Variants in ZNF433 observed in about 807,000 individuals in gnomAD.
The protein encoded by ZNF433 is zinc finger protein 433.
ZNF433 carries 12 observed loss-of-function variants against 10.6 expected under a neutral mutation model. The observed-to-expected ratio is 1.13, with a 90% CI of 0.72 to 1.83. The LOEUF (loss-of-function observed/expected upper bound fraction) is 1.83, where lower values mean the gene tolerates loss of function less well. Ranked by LOEUF, ZNF433 falls within the 40% of genes most tolerant of loss-of-function variation. The pLI is 0.00. For synonymous variants in ZNF433, 272 were observed against 271.3 expected (o/e 1.00, Z -0.02); for missense variants, 737 against 798.0 (o/e 0.92, Z 0.92).
In ZNF433 at chr19:12,017,897, T is replaced by G. The variant is rs925899401; in HGVS notation, c.170A>C (p.Glu57Ala). The G allele has an allele frequency of 6.3e-7, 1 of 1,594,116 alleles. No individual in the cohort carries two copies. ...TTACCTTAGGTTTCTCCTTAGATTTTCGTACTCTACATATATGTTCTGGGG... is the reference window on the plus strand; with the variant it reads ...TTACCTTAGGTTTCTCCTTAGATTTGCGTACTCTACATATATGTTCTGGGG... ...WKPQNIYVEY[E>A]NLRRNLRIVG... Residue 57 changes from glutamate to alanine, a missense_variant, in exon 3 of 4, where the codon GAA becomes GCA. By Grantham distance (107) the Glu-to-Ala change is moderately radical. Transcript: ENST00000550507.
intron 1 of ZNF433, among the ~76,000 whole-genome samples, chr19:12,028,660 T>C (rs141053016): frequency 2.6e-5 from 4 of 152,350 alleles, no homozygotes; most frequent in Admixed American, 6.5e-5. Context: ...GTTAAACAAA[T>C]TTGTATTACA....
At chr19:12,022,057 A>G (rs150936021) in intron 1 of ZNF433, 9 of 453,782 alleles carry the variant, frequency 2.0e-5, no homozygotes, top group African/African-American at 1.8e-4. Context: ...AAAACTGGCC[A>G]TAAACAAAAT....
chr19:12,027,095 G>A (rs1974776896), intron 1 of ZNF433: 1 of 450,350 alleles, frequency 2.2e-6, no homozygotes, highest in Admixed American at 2.4e-5. Flanking sequence ...AATATTTAAA[G>A]CATCCCAGGC....
chr19:12,034,951 C>T, intron 1 of ZNF433: 2 of 453,250 alleles, frequency 4.4e-6, no homozygotes, highest in Admixed American at 4.7e-5. Flanking sequence ...TTTTCCTCAG[C>T]TGAGGCCTCT....
intron 1 of ZNF433, chr19:12,021,968 C>G (rs1252453214): frequency 2.2e-6 from 1 of 456,674 alleles, no homozygotes; most frequent in Non-Finnish European, 4.4e-6. Context: ...GCGGTACTGG[C>G]TGCCAATTCA....
chr19:12,015,647 C>T lies in ZNF433; in HGVS notation c.1211G>A (p.Ser404Asn), dbSNP rs552135002. Reference protein sequence around the residue: ...NQCGKAFNSSSSFRYHERTHT... With the variant: ...NQCGKAFNSSNSFRYHERTHT... ...AGTTCTTTCATGATATCGGAAGGAACTGGAAGAATTAAAGGCTTTACCACA... is the reference window on the plus strand; with the variant it reads ...AGTTCTTTCATGATATCGGAAGGAATTGGAAGAATTAAAGGCTTTACCACA... The change falls in exon 4 of 4, where the codon AGT (serine) becomes AAT (asparagine). Residue 404 changes from serine (S) to asparagine (N), a missense_variant. Physicochemically the swap from Ser to Asn is conservative, Grantham distance 46. Coordinates refer to ENST00000550507, the MANE Select transcript of ZNF433 (RefSeq NM_001308348.2). 9 of 1,612,764 alleles carry T rather than the reference C, an allele frequency of 5.6e-6. No homozygotes were observed. In the South Asian group the frequency reaches 9.9e-5, roughly 18 times the overall value.
intron 1 of ZNF433, among the ~76,000 whole-genome samples, chr19:12,032,142 G>T (rs1975066208): frequency 6.6e-6 from 1 of 151,892 alleles, no homozygotes; most frequent in African/African-American, 2.4e-5. Context: ...GTTTCACCAT[G>T]TTGGCCAGGA....
At chr19:12,022,593 G>T (rs757725042) in intron 1 of ZNF433, among the ~76,000 whole-genome samples, 5 of 152,172 alleles carry the variant, frequency 3.3e-5, no homozygotes, top group Non-Finnish European at 7.3e-5. Context: ...TAAGCTGGAG[G>T]ACACCCGAGT....
rs1412362661 is a variant in ZNF433 at position 12,017,900 on chromosome 19, T to C, written c.167A>G (p.Tyr56Cys). The change falls in exon 3 of 4, where the codon TAC (tyrosine) becomes TGC (cysteine). Residue 56 changes from tyrosine to cysteine, a missense_variant. Transcript: ENST00000550507. ...KWKPQNIYVE[Y>C]ENLRRNLRIV... The stretch of plus-strand genomic sequence containing the variant: ...CCTTAGGTTTCTCCTTAGATTTTCG[T>C]ACTCTACATATATGTTCTGGGGTTT... 6.3e-7 allele frequency: 1 copy of C among 1,593,882 alleles called. No homozygotes were observed. The highest frequency in any genetic ancestry group is 1.8e-5 in the Admixed American group (1 of 54,806).
intron 1 of ZNF433, chr19:12,034,979 A>G (rs1975211891): frequency 2.3e-6 from 1 of 427,912 alleles, no homozygotes; most frequent in Non-Finnish European, 4.7e-6. Context: ...GGCTCTGAAT[A>G]AACTTCTTTA....
Position 12,021,955 on chromosome 19 carries a change from C to A in ZNF433, c.4-3663G>T, listed in dbSNP as rs576610102. 20 of 456,872 alleles carry A rather than the reference C, an allele frequency of 4.4e-5. 2 individuals carry two copies. Among genetic ancestry groups the A allele is most frequent in the African/African-American group, 3.6e-4 (18 of 50,192 alleles). The allele number at this position is 456,872 out of a possible 1,614,324, so 28.3% of individuals were successfully genotyped here. A position where few individuals can be genotyped will look rare whatever the true frequency, so the allele number is the denominator to read the frequency against. ...CTCCTGCAGTGATGATGCAGGATGC[C>A]TGGCGGTACTGGCTGCCAATTCAAC... On this transcript the variant is annotated intron_variant, in intron 1 of 3. Transcript: ENST00000550507.
rs747387111 is a variant in ZNF433 at position 12,015,175 on chromosome 19, A to T, written c.1683T>A (p.Cys561Ter). ...ATCCAAAGGCTTTCCCACACTGCTT[A>T]CATTCATAAGGTTTCTCTCCAGTGT... ...RTHTGEKPYE[C>*]KQCGKAFGSA... is the part of the protein sequence containing the mutation. Residue 561 changes from cysteine (C) to a stop codon, truncating the protein, a stop_gained, in exon 4 of 4, where the codon TGT becomes TGA. Coordinates refer to ENST00000550507, the MANE Select transcript of ZNF433 (RefSeq NM_001308348.2). LOFTEE classifies it low-confidence loss of function (END_TRUNC). 42 of 1,613,024 alleles carry T rather than the reference A, an allele frequency of 2.6e-5. No homozygotes were observed. Among genetic ancestry groups the T allele is most frequent in the Non-Finnish European group, 3.5e-5 (41 of 1,179,668 alleles).
At chr19:12,029,829 C>G (rs1974921023) in intron 1 of ZNF433, among the ~76,000 whole-genome samples, 1 of 151,876 alleles carries the variant, frequency 6.6e-6, no homozygotes, top group Non-Finnish European at 1.5e-5. Context: ...CACATGTAAT[C>G]CCAGCACTTT....
intron 1 of ZNF433, among the ~76,000 whole-genome samples, chr19:12,031,487 T>TA (rs1428843898): frequency 6.0e-5 from 9 of 151,248 alleles, no homozygotes; most frequent in South Asian, 2.1e-4. Context: ...CCTTCTCAAC[T>TA]AAAAAAAATA....
chr19:12,031,706 G>GC (rs1975037142), intron 1 of ZNF433, among the ~76,000 whole-genome samples: 1 of 151,744 alleles, frequency 6.6e-6, no homozygotes, highest in African/African-American at 2.4e-5. Context: ...CGAAATCTTG[G>GC]CAATACAGGA....
chr19:12,022,068 C>T, intron 1 of ZNF433: 1 of 451,244 alleles, frequency 2.2e-6, no homozygotes, highest in Non-Finnish European at 4.5e-6. Flanking sequence ...TAAACAAAAT[C>T]TCTGCAGCAC....
Sources: gnomAD v4.1 joint callset for allele counts (sites outside exome capture counted in the v4.1 genomes callset) on GRCh38, gnomAD v4.1.1 for gene constraint, MANE v1.5 for transcripts, NCBI Gene and HGNC (gene_info 2026-07-23, HGNC 2026-07-21) for gene names.